The following CLYBL variants were observed in gnomAD, a reference collection of about 807,000 sequenced individuals.
CLYBL encodes citramalyl-CoA lyase, mitochondrial.
Under a neutral mutation model 38.9 loss-of-function variants are expected in CLYBL, and 31 were observed. The ratio of observed to expected loss-of-function variants is 0.80; its 90% CI spans 0.60 to 1.08. The LOEUF (loss-of-function observed/expected upper bound fraction) is 1.08. Among genes scored for constraint, CLYBL ranks in the 50% least tolerant of loss-of-function variants. CLYBL has a pLI of 0.00. For synonymous variants in CLYBL, 171 were observed against 158.6 expected, an observed-to-expected ratio of 1.08 and a Z score of -0.59; for missense variants, 434 against 411.6, an observed-to-expected ratio of 1.05 and a Z score of -0.47.
intron 2 of CLYBL, among the ~76,000 whole-genome samples, chr13:99,792,409 T>G (rs2049935704): frequency 6.6e-6 from 1 of 151,862 alleles, no homozygotes; most frequent in Non-Finnish European, 1.5e-5. Context: ...CCTGGTTGAG[T>G]GGGGATCAGA....
chr13:99,660,325 G>T (rs1238665288), intron 1 of CLYBL, among the ~76,000 whole-genome samples: 1 of 152,154 alleles, frequency 6.6e-6, no homozygotes, highest in African/African-American at 2.4e-5. Context: ...TTATTCCTCT[G>T]TCGGTCATCC....
At chr13:99,829,582 G>C (rs2050764979) in intron 2 of CLYBL, among the ~76,000 whole-genome samples, 1 of 152,186 alleles carries the variant, frequency 6.6e-6, no homozygotes, top group South Asian at 2.1e-4. Context: ...GTTTATCTTA[G>C]AATTGAGCAC....
At chr13:99,827,803 A>G (rs1281972761) in intron 2 of CLYBL, among the ~76,000 whole-genome samples, 2 of 152,196 alleles carry the variant, frequency 1.3e-5, no homozygotes, top group Non-Finnish European at 2.9e-5. Context: ...GGGATGGGGT[A>G]TGGTTCGGGA....
intron 7 of CLYBL, among the ~76,000 whole-genome samples, chr13:99,886,343 T>A (rs183118712): frequency 1.3e-5 from 2 of 152,362 alleles, no homozygotes; most frequent in East Asian, 3.9e-4. Context: ...ATAGATGTGA[T>A]TACTATTGTC....
At chr13:99,708,956 G>T (rs2048186179) in intron 1 of CLYBL, among the ~76,000 whole-genome samples, 1 of 152,078 alleles carries the variant, frequency 6.6e-6, no homozygotes, top group Non-Finnish European at 1.5e-5. Context: ...AGCCGGGCGT[G>T]GTGGCAGGCA....
At chr13:99,887,195 CA>C in intron 7 of CLYBL, among the ~76,000 whole-genome samples, 1 of 152,158 alleles carries the variant, frequency 6.6e-6, no homozygotes, top group African/African-American at 2.4e-5. Context: ...GTTTTCTGCA[CA>C]AACCACGTGG....
chr13:99,743,895 C>A (rs1213399016), intron 1 of CLYBL, among the ~76,000 whole-genome samples: 3 of 150,242 alleles, frequency 2.0e-5, no homozygotes, highest in South Asian at 2.1e-4. Context: ...AGCGGTATTG[C>A]GGGGACTCGG....
In CLYBL at chr13:99,867,406, TG is replaced by T. The variant is rs554540514; in HGVS notation, c.802+1000del. Among the ~76,000 whole-genome samples the T allele has an allele frequency of 3.3e-5, 5 of 152,306 alleles. No homozygotes were observed. The South Asian group carries it at 1.0e-3, about 32-fold the overall frequency. On this transcript the variant is annotated intron_variant, in intron 6 of 8. Transcript: ENST00000339105. ...TGATTTAGTCCAAAATAAAACTGAA[TG>T]ACCTAAGAAGCTATTCTAGTGTTAT... is the stretch of plus-strand genomic sequence containing the variant.
chr13:99,807,297 A>G (rs898338322), intron 2 of CLYBL, among the ~76,000 whole-genome samples: 1 of 152,126 alleles, frequency 6.6e-6, no homozygotes, highest in Non-Finnish European at 1.5e-5. Context: ...GTCTCCCCGC[A>G]TGTGCATGAC....
chr13:99,685,594 G>A (rs1359371973), intron 1 of CLYBL, among the ~76,000 whole-genome samples: 2 of 152,142 alleles, frequency 1.3e-5, no homozygotes, highest in African/African-American at 4.8e-5. Context: ...CCTTTAGATG[G>A]TTGGTGGTGT....
intron 7 of CLYBL, among the ~76,000 whole-genome samples, chr13:99,887,501 G>A (rs573123373): frequency 6.6e-6 from 1 of 152,340 alleles, no homozygotes; most frequent in African/African-American, 2.4e-5. Context: ...CTCATGCCTT[G>A]TAATCCGAGC....
chr13:99,840,750 C>CA (rs59274056), intron 2 of CLYBL, among the ~76,000 whole-genome samples: 851 of 16,732 alleles, frequency 0.051, 112 homozygotes, highest in Non-Finnish European at 0.064. Context: ...ACCCTTGTCT[C>CA]AAAAAAAAAA....
chr13:99,701,305 GGTTTTTGTTTTT>G (rs1223733853), intron 1 of CLYBL, among the ~76,000 whole-genome samples: 1 of 151,930 alleles, frequency 6.6e-6, no homozygotes, highest in Non-Finnish European at 1.5e-5. Context: ...GGGAGGATGT[GGTTTTTGTTTTT>G]GTTTTTGTTT....
At chr13:99,619,633 G>A (rs2046764396) in intron 1 of CLYBL, among the ~76,000 whole-genome samples, 1 of 152,094 alleles carries the variant, frequency 6.6e-6, no homozygotes, top group South Asian at 2.1e-4. Context: ...CTCTGCTATA[G>A]GCAGGAAGCT....
intron 1 of CLYBL, among the ~76,000 whole-genome samples, chr13:99,743,473 G>A (rs1395978161): frequency 1.3e-5 from 2 of 152,174 alleles, no homozygotes; most frequent in East Asian, 3.8e-4. Context: ...ACTGCAATTA[G>A]ACATATATGA....
intron 1 of CLYBL, among the ~76,000 whole-genome samples, chr13:99,635,517 C>T (rs181611650): frequency 3.9e-5 from 6 of 152,288 alleles, no homozygotes; most frequent in African/African-American, 9.6e-5. Flanking sequence ...CCTGGCTTTG[C>T]GCAGCTTATT....
In CLYBL at chr13:99,710,880, CCTTTTTTTTTT is replaced by C. The variant is rs2048219691; in HGVS notation, c.63-61943_63-61933del. Among the ~76,000 whole-genome samples, 7 of 134,894 alleles carry C rather than the reference CCTTTTTTTTTT, an allele frequency of 5.2e-5. 1 individual carries two copies. The South Asian group carries it at 1.8e-3, about 34-fold the overall frequency. The allele number at this position is 134,894 out of a possible 152,430, so 88.5% of individuals were successfully genotyped here. A position where few individuals can be genotyped will look rare whatever the true frequency, so the allele number is the denominator to read the frequency against. On this transcript the variant is annotated intron_variant, in intron 1 of 8. Coordinates refer to ENST00000339105, the MANE Select transcript of CLYBL (RefSeq NM_206808.5). ...TCCTGGCTTCTCTTAGTTTCTAACC[CCTTTTTTTTTT>C]TTTTTTTTTTTTTGAGACAGAGTTT...
chr13:99,897,694 C>T (rs2052598718), downstream of CLYBL, among the ~76,000 whole-genome samples: 2 of 152,122 alleles, frequency 1.3e-5, no homozygotes, highest in Admixed American at 6.5e-5. Context: ...GCCTGTAATC[C>T]CAGCACTTTG....
At chr13:99,837,035 A>G (rs2050955336) in intron 2 of CLYBL, among the ~76,000 whole-genome samples, 1 of 151,930 alleles carries the variant, frequency 6.6e-6, no homozygotes, top group African/African-American at 2.4e-5. Context: ...AACTTAAAGT[A>G]TAATAATTAA....
Sources: gnomAD v4.1 joint callset for allele counts (sites outside exome capture counted in the v4.1 genomes callset) on GRCh38, gnomAD v4.1.1 for gene constraint, MANE v1.5 for transcripts, NCBI Gene and HGNC (gene_info 2026-07-23, HGNC 2026-07-21) for gene names.